Variants in SERGEF observed in about 807,000 individuals in gnomAD.
SERGEF encodes secretion-regulating guanine nucleotide exchange factor.
SERGEF carries 51 observed loss-of-function variants against 50.0 expected under a neutral mutation model. The ratio of observed to expected loss-of-function variants is 1.02; its 90% CI spans 0.81 to 1.29. The LOEUF (loss-of-function observed/expected upper bound fraction) is 1.29, where lower values mean the gene tolerates loss of function less well. SERGEF is among the 50% of genes most tolerant of loss of function. The pLI is 0.00. For synonymous variants in SERGEF, 205 were observed against 212.4 expected (o/e 0.97, Z 0.30); for missense variants, 521 against 557.0 (o/e 0.94, Z 0.65).
intron 8 of SERGEF, among the ~76,000 whole-genome samples, chr11:17,981,975 T>A (rs74635205): frequency 2.2e-4 from 33 of 152,082 alleles, no homozygotes; most frequent in African/African-American, 3.1e-4. Context: ...TAATTTTTTT[T>A]ATATTTTGTT....
At chr11:17,923,947 A>G (rs553829045) in intron 9 of SERGEF, among the ~76,000 whole-genome samples, 1 of 152,312 alleles carries the variant, frequency 6.6e-6, no homozygotes, top group African/African-American at 2.4e-5. Flanking sequence ...TGCGTGGTAC[A>G]ATTCCCAGGC....
At chr11:17,873,420 G>A (rs1247984435) in intron 10 of SERGEF, among the ~76,000 whole-genome samples, 6 of 152,092 alleles carry the variant, frequency 3.9e-5, no homozygotes, top group African/African-American at 1.4e-4. Flanking sequence ...TCTCTACAAG[G>A]CCCTAGGGTT....
intron 10 of SERGEF, among the ~76,000 whole-genome samples, chr11:17,842,075 A>AT (rs901458791): frequency 7.8e-4 from 115 of 146,882 alleles, no homozygotes; most frequent in Middle Eastern, 3.4e-3. Context: ...GACTGGTGCA[A>AT]TTTTTTTTTT....
At chr11:17,910,033 C>T (rs1382252657) in intron 9 of SERGEF, among the ~76,000 whole-genome samples, 1 of 152,194 alleles carries the variant, frequency 6.6e-6, no homozygotes, top group Non-Finnish European at 1.5e-5. Context: ...CACTGCCAGC[C>T]TGCCTCAGCT....
At chr11:17,863,191 T>C (rs1472699273) in intron 10 of SERGEF, among the ~76,000 whole-genome samples, 2 of 152,244 alleles carry the variant, frequency 1.3e-5, no homozygotes, top group African/African-American at 4.8e-5. Context: ...AGATGATATA[T>C]GCAAAATGTT....
chr11:17,932,344 G>A lies in SERGEF; in HGVS notation c.1011+27126C>T, dbSNP rs1192583720. On this transcript the variant is annotated intron_variant, in intron 9 of 10. Transcript: ENST00000265965. ...CTTCAAAGGGTGTTCCCACACATTCGCTGGCAGATCTCTCAGACTCAGCAA... is the reference window on the plus strand; with the variant it reads ...CTTCAAAGGGTGTTCCCACACATTCACTGGCAGATCTCTCAGACTCAGCAA... Among the ~76,000 whole-genome samples the A allele has an allele frequency of 3.9e-5, 6 of 152,078 alleles. No homozygotes were observed. In the East Asian group the frequency reaches 7.7e-4, roughly 20 times the overall value.
chr11:17,916,067 T>G (rs568384036), intron 9 of SERGEF, among the ~76,000 whole-genome samples: 1 of 152,338 alleles, frequency 6.6e-6, no homozygotes, highest in Admixed American at 6.5e-5. Context: ...TTTTCCATTT[T>G]TCTTAAAAGT....
intron 10 of SERGEF, among the ~76,000 whole-genome samples, chr11:17,814,006 T>A (rs1387202273): frequency 1.3e-5 from 2 of 152,192 alleles, no homozygotes; most frequent in African/African-American, 4.8e-5. Flanking sequence ...TGGGCCTACA[T>A]GCCAGAGACA....
intron 9 of SERGEF, chr11:17,918,561 G>A: frequency 2.5e-5 from 7 of 281,164 alleles, no homozygotes; most frequent in South Asian, 2.1e-4. Context: ...GCCAGGTGCT[G>A]TAGGTGAAAA....
intron 9 of SERGEF, among the ~76,000 whole-genome samples, chr11:17,898,928 C>T (rs979437722): frequency 2.0e-5 from 3 of 152,080 alleles, no homozygotes; most frequent in Admixed American, 2.0e-4. Flanking sequence ...TGATTTAGCA[C>T]CACCCTCTCG....
At chr11:17,830,269 T>A (rs1429673899) in intron 10 of SERGEF, among the ~76,000 whole-genome samples, 1 of 152,250 alleles carries the variant, frequency 6.6e-6, no homozygotes, top group Non-Finnish European at 1.5e-5. Flanking sequence ...GCTGATTGAA[T>A]GCATGAAGTA....
At chr11:17,947,359 A>G (rs1210718894) in intron 9 of SERGEF, among the ~76,000 whole-genome samples, 1 of 152,218 alleles carries the variant, frequency 6.6e-6, no homozygotes, top group Non-Finnish European at 1.5e-5. Flanking sequence ...AGATACTCCA[A>G]AACTCATACT....
In SERGEF at chr11:18,006,640, A is replaced by G. The variant is rs1854080449; in HGVS notation, c.303T>C (p.Cys101=). Reference sequence around the variant, plus strand: ...AGCCACAGGCCACCTGTTGGATGGGACAGCCAAAGAGGGATTTGCAGGGGG... The same window carrying G: ...AGCCACAGGCCACCTGTTGGATGGGGCAGCCAAAGAGGGATTTGCAGGGGG... ...YFTPCKSLFG[C]PIQQVACGWD... is the part of the protein sequence containing the mutation. Residue 101 remains cysteine (C), a synonymous_variant, in exon 3 of 11, where the codon TGT becomes TGC. Coordinates refer to ENST00000265965, the MANE Select transcript of SERGEF (RefSeq NM_012139.4). 6.2e-7 allele frequency: 1 copy of G among 1,614,142 alleles called. No homozygotes were observed. The highest frequency in any genetic ancestry group is 1.1e-5 in the South Asian group (1 of 91,076).
chr11:18,010,736 T>C (rs1854177348), intron 1 of SERGEF, among the ~76,000 whole-genome samples: 1 of 152,230 alleles, frequency 6.6e-6, no homozygotes, highest in Non-Finnish European at 1.5e-5. Context: ...GCAGGAACTC[T>C]GCTTTGCTCA....
intron 9 of SERGEF, among the ~76,000 whole-genome samples, chr11:17,896,865 AGGGAAGGGAAG>A (rs1565198140): frequency 2.2e-4 from 1 of 4,510 alleles, no homozygotes. Context: ...AGGGAAGGGA[AGGGAAGGGAAG>A]GGAAGGGAAG....
intron 8 of SERGEF, among the ~76,000 whole-genome samples, chr11:17,965,610 G>C (rs1853103840): frequency 6.6e-6 from 1 of 152,190 alleles, no homozygotes; most frequent in Admixed American, 6.5e-5. Flanking sequence ...CATTAGGACT[G>C]TTTAATTAAT....
chr11:17,924,023 T>C (rs976463713), intron 9 of SERGEF, among the ~76,000 whole-genome samples: 4 of 152,040 alleles, frequency 2.6e-5, no homozygotes, highest in Non-Finnish European at 2.9e-5. Flanking sequence ...GTCTGTAGAG[T>C]GAAGATGATA....
At chr11:18,008,272 TATA>T (rs1217271557) in intron 1 of SERGEF, among the ~76,000 whole-genome samples, 196 bp from the exon 2 acceptor site, 1 of 152,194 alleles carries the variant, frequency 6.6e-6, no homozygotes, top group African/African-American at 2.4e-5. Flanking sequence ...TATTCAAATA[TATA>T]ATAACAAGCA....
At chr11:17,871,387 G>A (rs1851134157) in intron 10 of SERGEF, among the ~76,000 whole-genome samples, 1 of 150,342 alleles carries the variant, frequency 6.7e-6, no homozygotes, top group African/African-American at 2.5e-5. Context: ...CGTGAACCCA[G>A]GAGGCGGAGC....
Sources: allele counts gnomAD v4.1 joint callset (sites outside exome capture counted in the v4.1 genomes callset), GRCh38; gene constraint gnomAD v4.1.1; transcripts MANE v1.5; gene names NCBI Gene and HGNC (gene_info 2026-07-23, HGNC 2026-07-21).